The following SGPP2 variants were observed in gnomAD, a reference collection of about 807,000 sequenced individuals.
SGPP2 encodes the protein sphingosine 1-phosphate phosphohydrolase 2.
In SGPP2, 30 loss-of-function variants were observed where a neutral mutation model predicts 33.9. That is an observed-to-expected ratio of 0.89 (90% CI 0.66 to 1.20). The LOEUF (loss-of-function observed/expected upper bound fraction) is 1.20, where lower values mean the gene tolerates loss of function less well. Among genes scored for constraint, SGPP2 ranks in the 50% most tolerant of loss-of-function variants. SGPP2 has a pLI of 0.00. For missense variants in SGPP2, 458 were observed against 532.1 expected (o/e 0.86, Z 1.37); for synonymous variants, 233 against 225.0 (o/e 1.04, Z -0.32).
Position 222,559,119 on chromosome 2 carries a change from A to C in SGPP2, c.*221A>C. 2 of 417,796 alleles carry C rather than the reference A, an allele frequency of 4.8e-6. No individual in the cohort carries two copies. The highest frequency in any genetic ancestry group is 7.5e-5 in the South Asian group (2 of 26,730). 25.9% of individuals were successfully genotyped at this position (417,796 alleles called of 1,614,324 possible). A position where few individuals can be genotyped will look rare whatever the true frequency, so the allele number is the denominator to read the frequency against. On this transcript the variant is annotated 3_prime_UTR_variant, in exon 5 of 5. Transcript: ENST00000321276. The stretch of plus-strand genomic sequence containing the variant: ...GGTTGGTTGTGCTACAGTTGAACCC[A>C]GGCTAAAGACCATAATCCGGATCTT...
chr2:222,521,967 T>C, intron 3 of SGPP2, 21 bp downstream of exon 3: 1 of 1,486,416 alleles, frequency 6.7e-7, no homozygotes, highest in South Asian at 1.4e-5. Flanking sequence ...CTGGTTCTTC[T>C]TCCTACCCAC....
chr2:222,514,335 G>C (rs1698573203), intron 2 of SGPP2, among the ~76,000 whole-genome samples: 1 of 152,108 alleles, frequency 6.6e-6, no homozygotes, highest in African/African-American at 2.4e-5. Flanking sequence ...TTCTCCAAAT[G>C]ATGAACAATT....
In SGPP2 at chr2:222,460,456, G is replaced by A. The variant is rs1697641691; in HGVS notation, c.220-14112G>A. On this transcript the variant is annotated intron_variant, in intron 1 of 4. Coordinates refer to ENST00000321276, the MANE Select transcript of SGPP2 (RefSeq NM_152386.4). The surrounding 1 kb of genome is among the most constrained non-coding windows in gnomAD (Gnocchi z 4.3). ...TTGAGCTTCATGGCAATATGTCTGT[G>A]ACTTCTCCTTAAGATACATTTGAAT... 6.6e-6 allele frequency among the ~76,000 whole-genome samples: 1 copy of A among 152,176 alleles called. No homozygotes were observed. Among genetic ancestry groups the A allele is most frequent in the African/African-American group, 2.4e-5 (1 of 41,446 alleles).
At chr2:222,509,373 G>A (rs1698491405) in intron 2 of SGPP2, among the ~76,000 whole-genome samples, 1 of 152,112 alleles carries the variant, frequency 6.6e-6, no homozygotes, top group Non-Finnish European at 1.5e-5. Context: ...AAAAAAATCA[G>A]TATAATTGTT....
intron 2 of SGPP2, among the ~76,000 whole-genome samples, chr2:222,508,899 G>A (rs73067740): frequency 0.02 from 3,117 of 152,130 alleles, 108 homozygotes; most frequent in African/African-American, 0.07. Flanking sequence ...TTCTCCCAGC[G>A]TTACACACAC....
At chr2:222,521,665 T>C in intron 2 of SGPP2, 102 bp from the exon 3 acceptor site, 1 of 1,278,476 alleles carries the variant, frequency 7.8e-7, no homozygotes, top group South Asian at 1.5e-5. Flanking sequence ...GAAAGGAGCC[T>C]TCAATCAACA....
chr2:222,484,909 C>T (rs984280906), intron 2 of SGPP2, among the ~76,000 whole-genome samples: 1 of 152,224 alleles, frequency 6.6e-6, no homozygotes, highest in Non-Finnish European at 1.5e-5. Context: ...AATTTTCTCT[C>T]TCTCTTTTTT....
intron 1 of SGPP2, among the ~76,000 whole-genome samples, chr2:222,429,585 G>A (rs1236293665): frequency 6.6e-6 from 1 of 152,174 alleles, no homozygotes; most frequent in Non-Finnish European, 1.5e-5. Flanking sequence ...CTTAGTAAAT[G>A]TTCAGCCCAA....
intron 2 of SGPP2, among the ~76,000 whole-genome samples, chr2:222,515,266 G>T (rs144415244): frequency 3.7e-4 from 56 of 152,140 alleles, no homozygotes; most frequent in African/African-American, 1.3e-3. Flanking sequence ...CTACAACATG[G>T]TGCCTCATCA....
chr2:222,478,267 T>TTGTGTGTG (rs113118208), intron 2 of SGPP2, among the ~76,000 whole-genome samples: 1,615 of 141,550 alleles, frequency 0.011, 29 homozygotes, highest in African/African-American at 0.04. Context: ...GTGCATGCAT[T>TTGTGTGTG]TGTGTGTGTG....
intron 2 of SGPP2, among the ~76,000 whole-genome samples, chr2:222,505,383 A>C (rs1698429759): frequency 6.6e-6 from 1 of 152,230 alleles, no homozygotes; most frequent in Non-Finnish European, 1.5e-5. Context: ...TCTTGGATGG[A>C]ATATACAGTT....
rs986638365 is a variant in SGPP2, at chr2:222,458,361, C to G, written c.220-16207C>G. ...TGAGCCACCGTGCCTGGCCCAGTGCCTCTGTTGAAAGAAACTCTGCTCCTT... is the reference window on the plus strand; with the variant it reads ...TGAGCCACCGTGCCTGGCCCAGTGCGTCTGTTGAAAGAAACTCTGCTCCTT... On this transcript the variant is annotated intron_variant, in intron 1 of 4. Transcript: ENST00000321276. Among the ~76,000 whole-genome samples, 38 of 152,094 alleles carry G rather than the reference C, an allele frequency of 2.5e-4. 1 individual carries two copies. Among genetic ancestry groups the G allele is most frequent in the African/African-American group, 8.7e-4 (36 of 41,416 alleles).
At chr2:222,429,433 G>A (rs1196129094) in intron 1 of SGPP2, among the ~76,000 whole-genome samples, 1 of 152,198 alleles carries the variant, frequency 6.6e-6, no homozygotes, top group African/African-American at 2.4e-5. Context: ...CATCTGAAAT[G>A]ACAAAATGAG....
intron 2 of SGPP2, among the ~76,000 whole-genome samples, chr2:222,500,444 T>G (rs776237971): frequency 1.3e-5 from 2 of 152,200 alleles, no homozygotes; most frequent in Non-Finnish European, 2.9e-5. Flanking sequence ...AAGAAGATAG[T>G]GCACTCATTC....
intron 4 of SGPP2, among the ~76,000 whole-genome samples, chr2:222,539,826 T>G (rs186038523): frequency 9.5e-4 from 145 of 152,318 alleles, no homozygotes; most frequent in African/African-American, 3.1e-3. Flanking sequence ...AATGGATACC[T>G]AACAGGGTGC....
At chr2:222,536,855 T>C (rs949841528) in intron 4 of SGPP2, among the ~76,000 whole-genome samples, 2 of 152,188 alleles carry the variant, frequency 1.3e-5, no homozygotes, top group African/African-American at 4.8e-5. Flanking sequence ...GTTAGTCTGT[T>C]CCAATAGTGG....
At chr2:222,441,668 C>T (rs1697327412) in intron 1 of SGPP2, among the ~76,000 whole-genome samples, 1 of 151,974 alleles carries the variant, frequency 6.6e-6, no homozygotes, top group African/African-American at 2.4e-5. Context: ...GTATACTCTG[C>T]ATTGTTTACA....
At chr2:222,525,905 G>C (rs1009183814) in intron 4 of SGPP2, among the ~76,000 whole-genome samples, 4 of 152,174 alleles carry the variant, frequency 2.6e-5, no homozygotes, top group Admixed American at 1.3e-4. Context: ...ATGTGGGAGA[G>C]AGGGGGCAGA....
intron 4 of SGPP2, among the ~76,000 whole-genome samples, chr2:222,538,890 C>T (rs1698953143): frequency 6.6e-6 from 1 of 152,186 alleles, no homozygotes; most frequent in South Asian, 2.1e-4. Context: ...AGTCACCTCC[C>T]ACCAGGTCCC....
Sources: gnomAD v4.1 joint callset for allele counts (sites outside exome capture counted in the v4.1 genomes callset) on GRCh38, gnomAD v4.1.1 for gene constraint, Gnocchi (gnomAD v3.1) non-coding constraint, MANE v1.5 for transcripts, NCBI Gene and HGNC (gene_info 2026-07-23, HGNC 2026-07-21) for gene names.